Variants in LRFN2 observed in about 807,000 individuals in gnomAD.
The protein encoded by LRFN2 is leucine rich repeat and fibronectin type III domain containing 2.
A neutral mutation model predicts 37.3 loss-of-function variants in LRFN2; 18 were observed. That is an observed-to-expected ratio of 0.48 (90% CI 0.33 to 0.72). LRFN2 has a LOEUF of 0.72. LRFN2 is among the 30% of genes least tolerant of loss of function. The pLI is 0.02. For missense variants in LRFN2, 1,006 were observed against 1,060.7 expected (o/e 0.95, Z 0.72); for synonymous variants, 556 against 466.6 (o/e 1.19, Z -2.47).
intron 1 of LRFN2, among the ~76,000 whole-genome samples, chr6:40,470,381 G>A (rs965373375): frequency 2.6e-5 from 4 of 152,208 alleles, no homozygotes; most frequent in African/African-American, 4.8e-5. Context: ...GGAGGCCAAA[G>A]CGAGCAGATC....
At chr6:40,546,839 A>G (rs1766671820) in intron 1 of LRFN2, among the ~76,000 whole-genome samples, 1 of 152,216 alleles carries the variant, frequency 6.6e-6, no homozygotes, top group Non-Finnish European at 1.5e-5. Context: ...AGGAGTGAGT[A>G]TGCGATAGAG....
At chr6:40,531,759 C>T (rs1449338863) in intron 1 of LRFN2, among the ~76,000 whole-genome samples, 3 of 152,200 alleles carry the variant, frequency 2.0e-5, no homozygotes, top group East Asian at 3.9e-4. Flanking sequence ...ACCACTGCCC[C>T]CTCCTTATCT....
At chr6:40,473,919 C>T (rs1415892696) in intron 1 of LRFN2, among the ~76,000 whole-genome samples, 1 of 152,172 alleles carries the variant, frequency 6.6e-6, no homozygotes, top group African/African-American at 2.4e-5. Flanking sequence ...CGCCTGGACC[C>T]ACCATGCCCT....
intron 2 of LRFN2, among the ~76,000 whole-genome samples, chr6:40,426,545 C>A (rs946326051): frequency 6.6e-6 from 1 of 152,156 alleles, no homozygotes; most frequent in African/African-American, 2.4e-5. Context: ...CAAATCATTT[C>A]GGAGCCAGAT....
At chr6:40,543,702 A>G (rs1007900316) in intron 1 of LRFN2, among the ~76,000 whole-genome samples, 13 of 152,244 alleles carry the variant, frequency 8.5e-5, no homozygotes, top group African/African-American at 3.1e-4. Context: ...AAGCAGCTGC[A>G]GGCACTGGGG....
chr6:40,506,691 G>A (rs1042446183), intron 1 of LRFN2, among the ~76,000 whole-genome samples: 7 of 152,096 alleles, frequency 4.6e-5, no homozygotes, highest in African/African-American at 1.7e-4. Flanking sequence ...CAGACCTATT[G>A]GAAGATGTCT....
At chr6:40,511,319 T>A (rs774025540) in intron 1 of LRFN2, among the ~76,000 whole-genome samples, 1 of 152,176 alleles carries the variant, frequency 6.6e-6, no homozygotes, top group Non-Finnish European at 1.5e-5. Context: ...GATTAGAAGA[T>A]GGATGGTAAT....
At chr6:40,566,998 G>A (rs1767102810) in intron 1 of LRFN2, among the ~76,000 whole-genome samples, 1 of 152,134 alleles carries the variant, frequency 6.6e-6, no homozygotes, top group East Asian at 1.9e-4. Flanking sequence ...CAGTAGGAAG[G>A]GGAAGGCCCA....
At chr6:40,450,713 A>C (rs1412018839) in intron 1 of LRFN2, among the ~76,000 whole-genome samples, 1 of 152,230 alleles carries the variant, frequency 6.6e-6, no homozygotes, top group Non-Finnish European at 1.5e-5. Context: ...CTACATACAC[A>C]GTTGCTGTAA....
rs1394891244 is a variant in LRFN2, at chr6:40,577,567, A to G, written c.-19+9374T>C. On this transcript the variant is annotated intron_variant, in intron 1 of 2. Coordinates refer to ENST00000338305, the MANE Select transcript of LRFN2 (RefSeq NM_020737.3). Reference sequence around the variant, plus strand: ...CATCTAGCATTAGGTATATCTCCCAATGCTATCCCTCTCCCCTCCCCCCAC... The same window carrying G: ...CATCTAGCATTAGGTATATCTCCCAGTGCTATCCCTCTCCCCTCCCCCCAC... Among the ~76,000 whole-genome samples, 34 of 137,422 alleles carry G rather than the reference A, an allele frequency of 2.5e-4. No individual in the cohort carries two copies. In the East Asian group the frequency reaches 3.4e-3, roughly 14 times the overall value. The allele number at this position is 137,422 out of a possible 152,430, so 90.2% of individuals were successfully genotyped here. A position where few individuals can be genotyped will look rare whatever the true frequency, so the allele number is the denominator to read the frequency against.
chr6:40,494,445 T>C (rs527475199), intron 1 of LRFN2, among the ~76,000 whole-genome samples: 48 of 152,142 alleles, frequency 3.2e-4, no homozygotes, highest in African/African-American at 1.1e-3. Flanking sequence ...AAGAGTAGAG[T>C]CTTACAAATT....
intron 1 of LRFN2, among the ~76,000 whole-genome samples, chr6:40,500,765 G>A (rs1765361266): frequency 1.3e-5 from 2 of 152,162 alleles, no homozygotes; most frequent in African/African-American, 4.8e-5. Flanking sequence ...TTCACTACAT[G>A]CCTCTAAGGA....
chr6:40,443,811 C>T (rs908250153), intron 1 of LRFN2, among the ~76,000 whole-genome samples: 28 of 152,168 alleles, frequency 1.8e-4, no homozygotes, highest in African/African-American at 3.6e-4. Flanking sequence ...CAGTGGGTGG[C>T]AACAGAGGGG....
At chr6:40,560,278 A>G (rs1303766451) in intron 1 of LRFN2, among the ~76,000 whole-genome samples, 1 of 152,136 alleles carries the variant, frequency 6.6e-6, no homozygotes, top group Non-Finnish European at 1.5e-5. Context: ...ACCGGCCACC[A>G]TACCACCCAC....
chr6:40,478,708 C>T (rs1162194119), intron 1 of LRFN2, among the ~76,000 whole-genome samples: 2 of 152,224 alleles, frequency 1.3e-5, no homozygotes, highest in Non-Finnish European at 2.9e-5. Context: ...AATTTGGTTT[C>T]CTTCCTGTCT....
chr6:40,436,040 A>T (rs969915555), intron 1 of LRFN2, among the ~76,000 whole-genome samples: 6 of 152,294 alleles, frequency 3.9e-5, no homozygotes, highest in East Asian at 3.9e-4. Context: ...CATATTTTTT[A>T]AAAAAGTAAA....
At chr6:40,448,180 C>T (rs12198137) in intron 1 of LRFN2, among the ~76,000 whole-genome samples, 13 of 151,870 alleles carry the variant, frequency 8.6e-5, no homozygotes, top group Admixed American at 5.9e-4. Flanking sequence ...TTGGGATTTG[C>T]GGGCTTGCTG....
chr6:40,533,920 A>T lies in LRFN2; in HGVS notation c.-19+53021T>A, dbSNP rs186901627. Among the ~76,000 whole-genome samples, 848 of 152,362 alleles carry T rather than the reference A, an allele frequency of 5.6e-3. 10 individuals are homozygous for T. Among genetic ancestry groups the T allele is most frequent in the African/African-American group, 0.019 (808 of 41,594 alleles). ...ACCACACTGGCGTGATGAAGGGCCA[A>T]GTGTGCCAAATTCACCGGACACTCG... On this transcript the variant is annotated intron_variant, in intron 1 of 2. Transcript: ENST00000338305.
In LRFN2 at chr6:40,392,948, G is replaced by T; in HGVS notation, c.1401-36C>A. 1 of 1,573,634 alleles carries T rather than the reference G, an allele frequency of 6.4e-7. No homozygotes were observed. The highest frequency in any genetic ancestry group is 8.6e-7 in the Non-Finnish European group (1 of 1,158,454). On this transcript the variant is annotated intron_variant, in intron 2 of 2. Coordinates refer to ENST00000338305, the MANE Select transcript of LRFN2 (RefSeq NM_020737.3). This position sits in a 1 kb window ranked among gnomAD's most constrained non-coding sequence, Gnocchi z 4.7. ...AGGTGGACAGAAATAGTGAGGGGTG[G>T]TGGGGTGGAAGGACAGGGTGATGGG...
Sources: gnomAD v4.1 joint callset for allele counts (sites outside exome capture counted in the v4.1 genomes callset) on GRCh38, gnomAD v4.1.1 for gene constraint, Gnocchi (gnomAD v3.1) non-coding constraint, MANE v1.5 for transcripts, NCBI Gene and HGNC (gene_info 2026-07-23, HGNC 2026-07-21) for gene names.